EHBP1: variants seen among roughly 807,000 people sequenced by gnomAD.
The protein encoded by EHBP1 is EH domain binding protein 1.
In EHBP1, 55 loss-of-function variants were observed where a neutral mutation model predicts 144.0. The ratio of observed to expected loss-of-function variants is 0.38; its 90% confidence interval spans 0.31 to 0.48. EHBP1 has a LOEUF of 0.48. Ranked by LOEUF, EHBP1 falls within the 20% of genes least tolerant of loss-of-function variation. EHBP1 has a pLI of 0.98. For missense variants in EHBP1, 1,200 were observed against 1,364.2 expected (o/e 0.88, Z 1.90); for synonymous variants, 469 against 472.7 (o/e 0.99, Z 0.10).
chr2:62,830,952 T>C (rs576744798), intron 6 of EHBP1, 67 bp from the exon 7 acceptor site: 8 of 1,527,530 alleles, frequency 5.2e-6, no homozygotes, highest in Non-Finnish European at 6.2e-6. Context: ...TATTGTTTTC[T>C]TAAGAAACCA....
chr2:62,912,204 T>A (rs983454247), intron 10 of EHBP1, among the ~76,000 whole-genome samples: 3 of 152,178 alleles, frequency 2.0e-5, no homozygotes, highest in Non-Finnish European at 4.4e-5. Flanking sequence ...TATGTTGTTG[T>A]GATTTTTTTC....
At chr2:62,803,892 A>G (rs927737567) in intron 5 of EHBP1, among the ~76,000 whole-genome samples, 6 of 151,594 alleles carry the variant, frequency 4.0e-5, no homozygotes, top group African/African-American at 1.5e-4. Context: ...CTCACTAGCA[A>G]TGTAACCTTA....
At chr2:62,796,445 A>G (rs566393453) in intron 5 of EHBP1, among the ~76,000 whole-genome samples, 5 of 152,324 alleles carry the variant, frequency 3.3e-5, no homozygotes, top group African/African-American at 9.6e-5. Flanking sequence ...TTAATACACA[A>G]TAAGAGCTGA....
intron 3 of EHBP1, among the ~76,000 whole-genome samples, chr2:62,754,064 G>A (rs1246732366): frequency 6.6e-6 from 1 of 152,170 alleles, no homozygotes; most frequent in Admixed American, 6.5e-5. Context: ...AGGGGGAGAG[G>A]TGCTCTGATT....
intron 5 of EHBP1, among the ~76,000 whole-genome samples, chr2:62,798,174 C>T (rs1489365047): frequency 1.3e-5 from 2 of 152,000 alleles, no homozygotes; most frequent in South Asian, 4.2e-4. Context: ...TGAGACTAAC[C>T]TGGCAATTGT....
chr2:63,041,118 G>A (rs1341307888), intron 21 of EHBP1, among the ~76,000 whole-genome samples: 1 of 151,860 alleles, frequency 6.6e-6, no homozygotes, highest in African/African-American at 2.4e-5. Context: ...GATAACCATG[G>A]CACATTGAAA....
In EHBP1 at chr2:63,028,439, A is replaced by AT. The variant is rs879272049; in HGVS notation, c.3104-9084dup. On this transcript the variant is annotated intron_variant, in intron 19 of 22. Transcript: ENST00000431489. ...TACGATATTTTAAGGACTTTTAAAG[A>AT]TTTTTTTTTTTTAAGAGTTTTGGTC... 2.4e-3 allele frequency among the ~76,000 whole-genome samples: 351 copies of AT among 146,588 alleles called. 1 individual carries two copies. The highest frequency in any genetic ancestry group is 0.014 in the Middle Eastern group (4 of 280).
At chr2:62,881,940 A>G (rs1007020945) in intron 10 of EHBP1, among the ~76,000 whole-genome samples, 2 of 152,334 alleles carry the variant, frequency 1.3e-5, no homozygotes, top group Non-Finnish European at 2.9e-5. Context: ...TAAAGGAAAG[A>G]TTACAAGTCC....
At chr2:62,764,244 G>A (rs1354129353) in intron 3 of EHBP1, 22 bp from the exon 4 acceptor site, 2 of 1,495,476 alleles carry the variant, frequency 1.3e-6, no homozygotes, top group Non-Finnish European at 1.8e-6. Context: ...TCATATTGAA[G>A]GTATCATTTT....
intron 4 of EHBP1, among the ~76,000 whole-genome samples, chr2:62,768,220 C>T (rs1376950886): frequency 1.3e-5 from 2 of 152,046 alleles, no homozygotes; most frequent in African/African-American, 4.8e-5. Context: ...TTCAAAAGAT[C>T]AACAAATACA....
rs867095315 is a variant in EHBP1 at position 62,951,537 on chromosome 2, G to T, written c.2316+2375G>T. Among the ~76,000 whole-genome samples the T allele has an allele frequency of 3.1e-3, 436 of 140,940 alleles. 8 individuals carry two copies. The highest frequency in any genetic ancestry group is 0.011 in the African/African-American group (410 of 38,166). 92.5% of individuals were successfully genotyped at this position (140,940 alleles called of 152,430 possible). A position where few individuals can be genotyped will look rare whatever the true frequency, so the allele number is the denominator to read the frequency against. ...AAATTTTTCTTTTTTTTTTTTTTGGGGGGGGGGGGTGGAGTCTTGCCCTGT... is the reference window on the plus strand; with the variant it reads ...AAATTTTTCTTTTTTTTTTTTTTGGTGGGGGGGGGTGGAGTCTTGCCCTGT... On this transcript the variant is annotated intron_variant, in intron 13 of 22. Transcript: ENST00000431489.
intron 7 of EHBP1, among the ~76,000 whole-genome samples, chr2:62,833,527 C>T (rs926407858): frequency 3.1e-4 from 47 of 152,302 alleles, no homozygotes; most frequent in Admixed American, 2.4e-3. Flanking sequence ...ATCTTTTTAT[C>T]GCGTGGTTTA....
At chr2:62,867,473 C>A (rs577621025) in intron 9 of EHBP1, among the ~76,000 whole-genome samples, 2 of 151,826 alleles carry the variant, frequency 1.3e-5, no homozygotes, top group South Asian at 4.2e-4. Context: ...AAAAAAATAC[C>A]ATTTATAGAA....
At chr2:62,785,668 C>T (rs2042753180) in intron 5 of EHBP1, among the ~76,000 whole-genome samples, 1 of 151,894 alleles carries the variant, frequency 6.6e-6, no homozygotes, top group Non-Finnish European at 1.5e-5. Flanking sequence ...ATTTTATTTT[C>T]TTTTTCTTAT....
intron 7 of EHBP1, among the ~76,000 whole-genome samples, chr2:62,833,902 T>A (rs1404233512): frequency 1.3e-5 from 2 of 152,006 alleles, no homozygotes; most frequent in Admixed American, 6.6e-5. Context: ...TGGGAGGAGG[T>A]CAAAATATCA....
intron 2 of EHBP1, among the ~76,000 whole-genome samples, chr2:62,731,321 G>C (rs1330755311): frequency 1.3e-5 from 2 of 151,944 alleles, no homozygotes; most frequent in Non-Finnish European, 2.9e-5. Context: ...TTGATTTTTT[G>C]GGACTTTCTG....
At chr2:62,950,439 T>G (rs2057314305) in intron 13 of EHBP1, among the ~76,000 whole-genome samples, 1 of 152,206 alleles carries the variant, frequency 6.6e-6, no homozygotes, top group African/African-American at 2.4e-5. Flanking sequence ...ATATGTAAAA[T>G]ACTGCCACCC....
chr2:62,932,321 C>T (rs566245896), intron 10 of EHBP1, among the ~76,000 whole-genome samples: 1 of 151,970 alleles, frequency 6.6e-6, no homozygotes, highest in Non-Finnish European at 1.5e-5. Context: ...GGAAGCATTC[C>T]AAATGTCCAT....
At chr2:62,675,603 A>C (rs1473641337) in intron 1 of EHBP1, among the ~76,000 whole-genome samples, 1 of 152,174 alleles carries the variant, frequency 6.6e-6, no homozygotes. Flanking sequence ...AAGCCTAGGG[A>C]CAAAATAAGG....
Sources: allele counts gnomAD v4.1 joint callset (sites outside exome capture counted in the v4.1 genomes callset), GRCh38; gene constraint gnomAD v4.1.1; transcripts MANE v1.5; gene names NCBI Gene and HGNC (gene_info 2026-07-23, HGNC 2026-07-21).